GALNTL6: variants seen among roughly 807,000 people sequenced by gnomAD.
GALNTL6 encodes polypeptide N-acetylgalactosaminyltransferase-like 6.
Under a neutral mutation model 73.7 loss-of-function variants are expected in GALNTL6, and 46 were observed. That is an observed-to-expected ratio of 0.62 (90% CI 0.49 to 0.80). The LOEUF (loss-of-function observed/expected upper bound fraction) is 0.80. Among genes scored for constraint, GALNTL6 ranks in the 30% least tolerant of loss-of-function variants. The pLI is 0.00. For synonymous variants in GALNTL6, 259 were observed against 263.7 expected, an observed-to-expected ratio of 0.98 and a Z score of 0.17; for missense variants, 604 against 755.0, an observed-to-expected ratio of 0.80 and a Z score of 2.34.
intron 5 of GALNTL6, among the ~76,000 whole-genome samples, chr4:172,461,516 CTTG>C (rs1304882470): frequency 6.6e-6 from 1 of 152,166 alleles, no homozygotes; most frequent in African/African-American, 2.4e-5. Flanking sequence ...TCTACTGCTT[CTTG>C]TTGTAGACAC....
intron 5 of GALNTL6, among the ~76,000 whole-genome samples, chr4:172,598,864 C>A: frequency 6.6e-6 from 1 of 152,100 alleles, no homozygotes; most frequent in East Asian, 1.9e-4. Context: ...ACTATATCAT[C>A]AATATTTCAA....
At chr4:172,132,849 G>A (rs572541178) in intron 2 of GALNTL6, among the ~76,000 whole-genome samples, 1 of 152,182 alleles carries the variant, frequency 6.6e-6, no homozygotes, top group South Asian at 2.1e-4. Flanking sequence ...GATCCTTTAA[G>A]TATCTTTTTT....
intron 5 of GALNTL6, among the ~76,000 whole-genome samples, chr4:172,481,613 GAC>G (rs137934012): frequency 0.11 from 16,268 of 152,084 alleles, 949 homozygotes; most frequent in East Asian, 0.23. Context: ...CCCTGAGCTA[GAC>G]ACAGAGTGCT....
chr4:172,617,733 G>A (rs547379094), intron 5 of GALNTL6, among the ~76,000 whole-genome samples: 14 of 151,874 alleles, frequency 9.2e-5, no homozygotes, highest in African/African-American at 2.4e-4. Flanking sequence ...TACCCGCCTC[G>A]GCCTCCCTAA....
At chr4:172,645,791 T>G (rs921377572) in intron 5 of GALNTL6, among the ~76,000 whole-genome samples, 2 of 151,992 alleles carry the variant, frequency 1.3e-5, no homozygotes, top group Admixed American at 1.3e-4. Flanking sequence ...AGATGTATGA[T>G]TAAACTAAGG....
chr4:172,577,209 C>T (rs1579205823), intron 5 of GALNTL6, among the ~76,000 whole-genome samples: 1 of 152,302 alleles, frequency 6.6e-6, no homozygotes, highest in South Asian at 2.1e-4. Context: ...GCAAATATAG[C>T]ACTACTGACA....
intron 5 of GALNTL6, among the ~76,000 whole-genome samples, chr4:172,471,894 T>G (rs1280671797): frequency 6.6e-6 from 1 of 152,214 alleles, no homozygotes; most frequent in East Asian, 1.9e-4. Flanking sequence ...CACTTAATTT[T>G]CACATCACTC....
At chr4:172,849,207 A>G (rs1743680337) in intron 7 of GALNTL6, among the ~76,000 whole-genome samples, 1 of 152,198 alleles carries the variant, frequency 6.6e-6, no homozygotes, top group African/African-American at 2.4e-5. Flanking sequence ...TTTTTGTAAA[A>G]GGAAGACAAT....
At chr4:172,008,773 A>G (rs1740911166) in intron 2 of GALNTL6, among the ~76,000 whole-genome samples, 1 of 151,982 alleles carries the variant, frequency 6.6e-6, no homozygotes, top group African/African-American at 2.4e-5. Flanking sequence ...TCCCTTCACC[A>G]GTTTTGGCTG....
chr4:172,357,634 T>TACACACACACAC lies in GALNTL6; in HGVS notation c.553+8968_553+8979dup, dbSNP rs5864129. Among the ~76,000 whole-genome samples the TACACACACACAC allele has an allele frequency of 5.0e-3, 730 of 145,810 alleles. 12 individuals are homozygous for TACACACACACAC. Among genetic ancestry groups the TACACACACACAC allele is most frequent in the South Asian group, 0.034 (157 of 4,652 alleles). On this transcript the variant is annotated intron_variant, in intron 5 of 12. Coordinates refer to ENST00000506823, the MANE Select transcript of GALNTL6 (RefSeq NM_001034845.3). ...ATATATGTATATATATATAGATATATACACACACACACACACACACACACA... is the reference window on the plus strand; with the variant it reads ...ATATATGTATATATATATAGATATATACACACACACACACACACACACACACACACACACACA...
intron 7 of GALNTL6, 151 bp downstream of exon 7, chr4:172,813,874 C>T: frequency 1.8e-6 from 1 of 557,376 alleles, no homozygotes; most frequent in Non-Finnish European, 3.1e-6. Flanking sequence ...GTCAGACCTA[C>T]ACCCTGTAGA....
intron 2 of GALNTL6, among the ~76,000 whole-genome samples, chr4:172,178,294 A>AC (rs897560967): frequency 1.3e-5 from 2 of 152,120 alleles, no homozygotes; most frequent in Non-Finnish European, 2.9e-5. Context: ...TTTTTAAAAA[A>AC]TTATTATTAT....
chr4:172,862,195 G>C (rs968149084), intron 7 of GALNTL6, among the ~76,000 whole-genome samples: 1 of 152,180 alleles, frequency 6.6e-6, no homozygotes, highest in Non-Finnish European at 1.5e-5. Context: ...TAGTGATATG[G>C]ACAATAAAGT....
intron 2 of GALNTL6, among the ~76,000 whole-genome samples, chr4:171,890,410 AT>A (rs971726915): frequency 2.6e-5 from 4 of 152,108 alleles, no homozygotes; most frequent in Non-Finnish European, 4.4e-5. Flanking sequence ...GGACACTATA[AT>A]TTTTATACAC....
intron 5 of GALNTL6, among the ~76,000 whole-genome samples, chr4:172,703,740 AT>A (rs1560891755): frequency 6.6e-6 from 1 of 151,800 alleles, no homozygotes; most frequent in Non-Finnish European, 1.5e-5. Context: ...TCCCACGTAA[AT>A]TTTTTGGAAT....
intron 10 of GALNTL6, among the ~76,000 whole-genome samples, chr4:172,978,290 G>T (rs1053116901): frequency 8.5e-5 from 13 of 152,142 alleles, no homozygotes; most frequent in African/African-American, 3.1e-4. Flanking sequence ...TCCCACGGTT[G>T]CCGAGTCCCA....
chr4:172,928,792 C>T (rs536021854), intron 8 of GALNTL6, among the ~76,000 whole-genome samples: 1 of 152,320 alleles, frequency 6.6e-6, no homozygotes, highest in South Asian at 2.1e-4. Context: ...TCTCCTAAGA[C>T]AGAGTTCACA....
chr4:172,984,614 A>T (rs1023853922), intron 10 of GALNTL6, among the ~76,000 whole-genome samples: 4 of 152,144 alleles, frequency 2.6e-5, no homozygotes, highest in Non-Finnish European at 5.9e-5. Flanking sequence ...GGACTCCGAA[A>T]GGAGGGAGGG....
chr4:173,009,512 A>G lies in GALNTL6; in HGVS notation c.1488+218A>G, dbSNP rs1245905913. Among the ~76,000 whole-genome samples the G allele has an allele frequency of 3.9e-5, 6 of 152,242 alleles. 1 individual carries two copies. In the Middle Eastern group the frequency reaches 9.5e-3, roughly 241 times the overall value. On this transcript the variant is annotated intron_variant, in intron 11 of 12. Coordinates refer to ENST00000506823, the MANE Select transcript of GALNTL6 (RefSeq NM_001034845.3). ...AGCAGTTGTGATGATCAGTTCAGAT[A>G]ATGTACACAATTATCCTCTAAATAT...
Sources: gnomAD v4.1 joint callset for allele counts (sites outside exome capture counted in the v4.1 genomes callset) on GRCh38, gnomAD v4.1.1 for gene constraint, MANE v1.5 for transcripts, NCBI Gene and HGNC (gene_info 2026-07-23, HGNC 2026-07-21) for gene names.